TSC22D3: variants seen among roughly 807,000 people sequenced by gnomAD.
TSC22D3 encodes the protein TSC22 domain family protein 3.
In TSC22D3, 4 loss-of-function variants were observed where a neutral mutation model predicts 11.1. That is an observed-to-expected ratio of 0.36 (90% CI 0.18 to 0.83). TSC22D3 has a LOEUF of 0.83. TSC22D3 is among the 40% of genes least tolerant of loss of function. The pLI, the probability that TSC22D3 is intolerant of heterozygous loss-of-function variation, is 0.48. For missense variants in TSC22D3, 118 were observed against 159.4 expected (o/e 0.74, Z 1.40); for synonymous variants, 77 against 70.3 (o/e 1.10, Z -0.48).
chrX:107,725,965 C>T (rs917594138), intron 1 of TSC22D3, among the ~76,000 whole-genome samples: 7 of 111,837 alleles, frequency 6.3e-5, no homozygotes, highest in African/African-American at 9.8e-5. Flanking sequence ...TGTCACTGCC[C>T]GGTCAAACCT....
intron 1 of TSC22D3, among the ~76,000 whole-genome samples, chrX:107,744,277 T>C (rs866448906): frequency 9.0e-6 from 1 of 111,166 alleles, no homozygotes; most frequent in Non-Finnish European, 1.9e-5. Context: ...GCACACTATG[T>C]TCTGAGATAG....
In TSC22D3 at chrX:107,740,083, T is replaced by C. The variant is rs747775285; in HGVS notation, c.321-24133A>G. ...AGGAGGTCAATATTGTATGTATCACTTCCAGTTTGCAGAGGGGAAATCTGA... is the reference window on the plus strand; with the variant it reads ...AGGAGGTCAATATTGTATGTATCACCTCCAGTTTGCAGAGGGGAAATCTGA... On this transcript the variant is annotated intron_variant, in intron 1 of 2. Coordinates refer to ENST00000372383, the MANE Select transcript of TSC22D3 (RefSeq NM_198057.3). 3.6e-5 allele frequency among the ~76,000 whole-genome samples: 4 copies of C among 112,161 alleles called. No individual in the cohort carries two copies. The Admixed American group carries it at 3.8e-4, about 11-fold the overall frequency.
chrX:107,721,930 T>C, intron 1 of TSC22D3: 1 of 501,564 alleles, frequency 2.0e-6, no homozygotes, highest in Non-Finnish European at 3.7e-6. Context: ...TCCTTGCTTC[T>C]CGCTTATCTT....
intron 1 of TSC22D3, among the ~76,000 whole-genome samples, chrX:107,734,062 C>G (rs1050094652): frequency 8.9e-6 from 1 of 112,207 alleles, no homozygotes. Flanking sequence ...CACCACCTTT[C>G]CCCCAGGGAT....
chrX:107,730,491 A>G (rs954876498), intron 1 of TSC22D3, among the ~76,000 whole-genome samples: 6 of 111,512 alleles, frequency 5.4e-5, no homozygotes, highest in African/African-American at 2.0e-4. Context: ...AAGGATTCCC[A>G]AGGCAATTAA....
chrX:107,728,350 A>G (rs774874689), intron 1 of TSC22D3, among the ~76,000 whole-genome samples: 3 of 112,846 alleles, frequency 2.7e-5, no homozygotes, highest in African/African-American at 9.6e-5. Context: ...AAACCCAAAC[A>G]TAGTTTAATT....
intron 1 of TSC22D3, among the ~76,000 whole-genome samples, chrX:107,746,411 CACACACACAGACAT>C (rs1928658559): frequency 9.0e-6 from 1 of 111,327 alleles, no homozygotes; most frequent in Non-Finnish European, 1.9e-5. Context: ...CAGACAGACA[CACACACACAGACAT>C]ACACACACAC....
chrX:107,733,483 G>C (rs898853098), intron 1 of TSC22D3, among the ~76,000 whole-genome samples: 6 of 111,010 alleles, frequency 5.4e-5, no homozygotes, highest in Non-Finnish European at 1.1e-4. Context: ...CCTCCCACAA[G>C]GCTTGGCCCT....
intron 1 of TSC22D3, among the ~76,000 whole-genome samples, chrX:107,737,542 C>T (rs1265420036): frequency 1.8e-5 from 2 of 111,307 alleles, no homozygotes; most frequent in African/African-American, 6.5e-5. Context: ...TACCTTCCCT[C>T]CGTGCACAAA....
intron 1 of TSC22D3, chrX:107,716,545 T>TGGCCCCCC: frequency 1.3e-6 from 1 of 796,105 alleles, no homozygotes; most frequent in Non-Finnish European, 1.5e-6. Flanking sequence ...CCTTCCTGCG[T>TGGCCCCCC]CCCCTCCCCC....
At chrX:107,749,181 AC>A (rs1928819294) in intron 1 of TSC22D3, among the ~76,000 whole-genome samples, 1 of 2,959 alleles carries the variant, frequency 3.4e-4, no homozygotes, top group African/African-American at 8.0e-4. Flanking sequence ...CTAAAAATAC[AC>A]ACACACACAC....
chrX:107,751,501 C>T (rs1378216269), intron 1 of TSC22D3, among the ~76,000 whole-genome samples: 1 of 112,256 alleles, frequency 8.9e-6, no homozygotes, highest in Non-Finnish European at 1.9e-5. Flanking sequence ...GTTGGAGTTC[C>T]TCCCTTTAAC....
intron 1 of TSC22D3, among the ~76,000 whole-genome samples, chrX:107,744,234 C>T (rs1043697709): frequency 4.5e-5 from 5 of 111,994 alleles, no homozygotes; most frequent in African/African-American, 9.7e-5. Flanking sequence ...TACTGCCAGC[C>T]GCTAACCCTT....
chrX:107,766,528 G>C (rs1362383288), intron 1 of TSC22D3, among the ~76,000 whole-genome samples: 7 of 92,580 alleles, frequency 7.6e-5, no homozygotes, highest in African/African-American at 3.0e-4. Flanking sequence ...AAAAGGAAGA[G>C]GGACTTCTGC....
intron 1 of TSC22D3, among the ~76,000 whole-genome samples, chrX:107,719,506 T>G (rs1193144496): frequency 8.9e-6 from 1 of 112,450 alleles, no homozygotes; most frequent in Non-Finnish European, 1.9e-5. Flanking sequence ...GCACTGTCAC[T>G]ATCATTTTAC....
intron 1 of TSC22D3, among the ~76,000 whole-genome samples, chrX:107,750,021 TG>T (rs1299570152): frequency 9.0e-6 from 1 of 111,686 alleles, no homozygotes; most frequent in Non-Finnish European, 1.9e-5. Flanking sequence ...CATGGTGGCA[TG>T]TGCCTGTAGT....
In TSC22D3 at chrX:107,755,832, C is replaced by T. The variant is rs911266827; in HGVS notation, c.320+19268G>A. ...ATTTGGGTTGAATAAAGCCCGTGAA[C>T]AATGCCAAGAAGAAATCAATGGAGG... is the stretch of plus-strand genomic sequence containing the variant. On this transcript the variant is annotated intron_variant, in intron 1 of 2. Coordinates refer to ENST00000372383, the MANE Select transcript of TSC22D3 (RefSeq NM_198057.3). Among the ~76,000 whole-genome samples, 3 of 111,965 alleles carry T rather than the reference C, an allele frequency of 2.7e-5. No individual in the cohort carries two copies. In the Admixed American group the frequency reaches 2.8e-4, roughly 11 times the overall value.
intron 1 of TSC22D3, among the ~76,000 whole-genome samples, chrX:107,753,835 A>G (rs1036586923): frequency 1.8e-5 from 2 of 111,220 alleles, no homozygotes; most frequent in Non-Finnish European, 3.8e-5. Flanking sequence ...CAGGGGTGCA[A>G]GCTTATTTTC....
At chrX:107,770,789 T>A (rs759546990) in intron 1 of TSC22D3, among the ~76,000 whole-genome samples, 3 of 112,594 alleles carry the variant, frequency 2.7e-5, no homozygotes, top group Non-Finnish European at 3.8e-5. Flanking sequence ...TGTTATACCT[T>A]ACAGGTCAGA....
Sources: allele counts gnomAD v4.1 joint callset (sites outside exome capture counted in the v4.1 genomes callset), GRCh38; gene constraint gnomAD v4.1.1; transcripts MANE v1.5; gene names NCBI Gene and HGNC (gene_info 2026-07-23, HGNC 2026-07-21).